The following TRPC7 variants were observed in gnomAD, a reference collection of about 807,000 sequenced individuals.
TRPC7 encodes the protein short transient receptor potential channel 7.
A neutral mutation model predicts 90.1 loss-of-function variants in TRPC7; 42 were observed. That is an observed-to-expected ratio of 0.47 (90% CI 0.36 to 0.60). The LOEUF is 0.60. Among genes scored for constraint, TRPC7 ranks in the 20% least tolerant of loss-of-function variants. The probability of loss-of-function intolerance (pLI) is 0.00; values close to 1 mark genes in which losing one functional copy is unlikely to be tolerated. For missense variants in TRPC7, 955 were observed against 1,112.3 expected (o/e 0.86, Z 2.01); for synonymous variants, 451 against 436.3 (o/e 1.03, Z -0.42).
rs1755148951 is a variant in TRPC7 at position 136,213,192 on chromosome 5, G to T, written c.*243C>A. 3 of 518,192 alleles carry T rather than the reference G, an allele frequency of 5.8e-6. No individual in the cohort carries two copies. Among genetic ancestry groups the T allele is most frequent in the Admixed American group, 6.8e-5 (2 of 29,272 alleles). The allele number at this position is 518,192 out of a possible 1,614,324, so 32.1% of individuals were successfully genotyped here. A position where few individuals can be genotyped will look rare whatever the true frequency, so the allele number is the denominator to read the frequency against. On this transcript the variant is annotated 3_prime_UTR_variant, in exon 12 of 12. Coordinates refer to ENST00000513104, the MANE Select transcript of TRPC7 (RefSeq NM_020389.3). The stretch of plus-strand genomic sequence containing the variant: ...ACCAAAGGTCTCACACTCGTCAGGG[G>T]GCTGTTCCTCCCCTCCTCCCATGGT...
intron 3 of TRPC7, among the ~76,000 whole-genome samples, chr5:136,289,495 T>C (rs1220622145): frequency 6.6e-6 from 1 of 152,262 alleles, no homozygotes; most frequent in African/African-American, 2.4e-5. Context: ...CAGGAGATTA[T>C]ATCCTGCACA....
chr5:136,250,444 GCTA>G (rs1373602817), intron 6 of TRPC7, among the ~76,000 whole-genome samples: 4 of 152,200 alleles, frequency 2.6e-5, no homozygotes, highest in Non-Finnish European at 5.9e-5. Flanking sequence ...AGATGTTGTA[GCTA>G]CCATTAGCAA....
At chr5:136,353,817 T>C (rs1295984692) in intron 2 of TRPC7, among the ~76,000 whole-genome samples, 4 of 152,228 alleles carry the variant, frequency 2.6e-5, no homozygotes, top group Admixed American at 2.6e-4. Context: ...GGATTTTTCA[T>C]CACGTTACTG....
intron 5 of TRPC7, among the ~76,000 whole-genome samples, chr5:136,256,943 G>A (rs778693642): frequency 6.6e-6 from 1 of 152,124 alleles, no homozygotes; most frequent in Non-Finnish European, 1.5e-5. Context: ...AATCGCCTTT[G>A]GGGGTCCAGA....
intron 8 of TRPC7, 62 bp downstream of exon 8, chr5:136,231,292 G>T: frequency 1.4e-6 from 2 of 1,416,336 alleles, no homozygotes; most frequent in East Asian, 2.4e-5. Context: ...TCCCCTCATT[G>T]CTGAAAAAAG....
rs764493296 is a variant in TRPC7 at position 136,357,430 on chromosome 5, C to T, written c.3-45G>A. 9 of 1,536,600 alleles carry T rather than the reference C, an allele frequency of 5.9e-6. No individual in the cohort carries two copies. In the East Asian group the frequency reaches 6.8e-5, roughly 12 times the overall value. Reference sequence around the variant, plus strand: ...TGCCCTGTTACTTTCCTGCGGATTCCCTAGCAGTAGAGCACACAAAAATGG... The same window carrying T: ...TGCCCTGTTACTTTCCTGCGGATTCTCTAGCAGTAGAGCACACAAAAATGG... On this transcript the variant is annotated intron_variant, in intron 1 of 11. Coordinates refer to ENST00000513104, the MANE Select transcript of TRPC7 (RefSeq NM_020389.3).
At chr5:136,306,616 A>G (rs966202903) in intron 3 of TRPC7, among the ~76,000 whole-genome samples, 6 of 152,216 alleles carry the variant, frequency 3.9e-5, no homozygotes, top group African/African-American at 1.4e-4. Context: ...ACTTGCACAT[A>G]TACATCCAGA....
At chr5:136,324,685 G>A (rs1759293189) in intron 2 of TRPC7, among the ~76,000 whole-genome samples, 1 of 152,076 alleles carries the variant, frequency 6.6e-6, no homozygotes, top group Non-Finnish European at 1.5e-5. Flanking sequence ...ATCAATTTCA[G>A]GAAATTATTA....
intron 2 of TRPC7, among the ~76,000 whole-genome samples, chr5:136,320,032 C>T (rs549113881): frequency 4.6e-5 from 7 of 152,176 alleles, no homozygotes; most frequent in South Asian, 2.1e-4. Context: ...CTTTCTTCTC[C>T]GTATCCAATT....
At chr5:136,347,923 C>T (rs1760062871) in intron 2 of TRPC7, among the ~76,000 whole-genome samples, 1 of 152,206 alleles carries the variant, frequency 6.6e-6, no homozygotes, top group Non-Finnish European at 1.5e-5. Flanking sequence ...GTCCTGGAAG[C>T]AGCCAGGAGC....
intron 2 of TRPC7, among the ~76,000 whole-genome samples, chr5:136,352,676 G>A (rs1379388579): frequency 6.6e-6 from 1 of 152,086 alleles, no homozygotes; most frequent in African/African-American, 2.4e-5. Flanking sequence ...CCCTTTCTCT[G>A]GCTCCTACTG....
chr5:136,266,855 T>G (rs1757050717), intron 4 of TRPC7, among the ~76,000 whole-genome samples: 2 of 152,252 alleles, frequency 1.3e-5, no homozygotes, highest in Admixed American at 1.3e-4. Context: ...TTCTCAACCT[T>G]TCTTGTATGT....
At chr5:136,258,346 G>T (rs1580871127) in intron 5 of TRPC7, among the ~76,000 whole-genome samples, 2 of 152,112 alleles carry the variant, frequency 1.3e-5, no homozygotes, top group South Asian at 4.2e-4. Context: ...AGTGAAATTG[G>T]CCCCCTGCCG....
Position 136,213,018 on chromosome 5 carries a change from G to A in TRPC7, c.*417C>T, listed in dbSNP as rs181092955. Reference sequence around the variant, plus strand: ...TTGGATGTGTTGGGGGTGGCAGGGAGGGAGTGAGAAGGAGTTTGTGGGTTG... The same window carrying A: ...TTGGATGTGTTGGGGGTGGCAGGGAAGGAGTGAGAAGGAGTTTGTGGGTTG... On this transcript the variant is annotated 3_prime_UTR_variant, in exon 12 of 12. Transcript: ENST00000513104. 1.4e-3 allele frequency among the ~76,000 whole-genome samples: 220 copies of A among 152,298 alleles called. 1 individual carries two copies. The highest frequency in any genetic ancestry group is 4.8e-3 in the African/African-American group (199 of 41,574).
chr5:136,347,712 G>A (rs1258464942), intron 2 of TRPC7, among the ~76,000 whole-genome samples: 5 of 152,166 alleles, frequency 3.3e-5, no homozygotes, highest in Admixed American at 3.3e-4. Context: ...AAAGATCAAG[G>A]TGAAAAATTG....
chr5:136,315,452 G>A, intron 3 of TRPC7, 145 bp downstream of exon 3: 3 of 863,834 alleles, frequency 3.5e-6, no homozygotes, highest in Non-Finnish European at 5.3e-6. Flanking sequence ...CTGTGAAGCT[G>A]ACAGCTAGCT....
Position 136,365,458 on chromosome 5 carries a change from C to T in TRPC7, c.-204G>A. ...TTGTGTTGCAGTGGTAAAAACTCGC[C>T]TTCCGAGGCAGAACCGTGTTACCGT... On this transcript the variant is annotated 5_prime_UTR_variant, in exon 1 of 12. Transcript: ENST00000513104. 1.7e-6 allele frequency: 1 copy of T among 597,368 alleles called. No homozygotes were observed. Among genetic ancestry groups the T allele is most frequent in the Non-Finnish European group, 3.0e-6 (1 of 336,726 alleles). The allele number at this position is 597,368 out of a possible 1,614,324, so 37.0% of individuals were successfully genotyped here. A position where few individuals can be genotyped will look rare whatever the true frequency, so the allele number is the denominator to read the frequency against.
intron 3 of TRPC7, among the ~76,000 whole-genome samples, chr5:136,289,267 G>A (rs1423949906): frequency 6.6e-6 from 1 of 152,206 alleles, no homozygotes; most frequent in East Asian, 1.9e-4. Context: ...ATTTCCAACT[G>A]AGGTACTGGG....
chr5:136,362,266 T>A (rs1414036374), intron 1 of TRPC7, among the ~76,000 whole-genome samples: 1 of 152,198 alleles, frequency 6.6e-6, no homozygotes, highest in Non-Finnish European at 1.5e-5. Context: ...TTGTTTCACA[T>A]TAACCATGTG....
Sources: gnomAD v4.1 joint callset for allele counts (sites outside exome capture counted in the v4.1 genomes callset) on GRCh38, gnomAD v4.1.1 for gene constraint, MANE v1.5 for transcripts, NCBI Gene and HGNC (gene_info 2026-07-23, HGNC 2026-07-21) for gene names.